The following LAPTM4B variants were observed in gnomAD, a reference collection of about 807,000 sequenced individuals.
LAPTM4B encodes lysosomal-associated transmembrane protein 4B.
LAPTM4B carries 26 observed loss-of-function variants against 28.5 expected under a neutral mutation model. That is an observed-to-expected ratio of 0.91 (90% CI 0.67 to 1.27). The LOEUF (loss-of-function observed/expected upper bound fraction) is 1.27. Among genes scored for constraint, LAPTM4B ranks in the 50% most tolerant of loss-of-function variants. The pLI is 0.00. For missense variants in LAPTM4B, 288 were observed against 285.8 expected (o/e 1.01, Z -0.06); for synonymous variants, 109 against 106.4 (o/e 1.02, Z -0.15).
At chr8:97,848,982 T>G (rs1291811961) in intron 6 of LAPTM4B, among the ~76,000 whole-genome samples, 2 of 152,226 alleles carry the variant, frequency 1.3e-5, no homozygotes, top group Non-Finnish European at 1.5e-5. Flanking sequence ...GGAGATGCTG[T>G]TGTTAGATAC....
intron 6 of LAPTM4B, among the ~76,000 whole-genome samples, chr8:97,828,181 A>T (rs2512063): frequency 3.3e-5 from 5 of 151,702 alleles, no homozygotes; most frequent in Middle Eastern, 3.2e-3. Flanking sequence ...TGAAGTATGG[A>T]GAAAATTTAT....
In LAPTM4B at chr8:97,775,806, G is replaced by A. The variant is rs1174950697; in HGVS notation, c.-204G>A. The A allele has an allele frequency of 1.3e-6, 2 of 1,569,692 alleles. No individual in the cohort carries two copies. The highest frequency in any genetic ancestry group is 8.6e-7 in the Non-Finnish European group (1 of 1,164,738). The stretch of plus-strand genomic sequence containing the variant: ...CCTCCCCGTCCCCGCCGCTGCAGCG[G>A]TCGCCTTCGGAGCGAAGGGTACCGA... On this transcript the variant is annotated 5_prime_UTR_variant, in exon 1 of 7. Transcript: ENST00000521545.
intron 2 of LAPTM4B, among the ~76,000 whole-genome samples, chr8:97,810,610 G>A (rs1036965381): frequency 2.0e-5 from 3 of 152,226 alleles, no homozygotes; most frequent in African/African-American, 2.4e-5. Flanking sequence ...AAGCATGTAT[G>A]TGTGGCATAT....
intron 2 of LAPTM4B, among the ~76,000 whole-genome samples, chr8:97,806,165 C>T (rs762468280): frequency 1.3e-5 from 2 of 152,104 alleles, no homozygotes; most frequent in East Asian, 1.9e-4. Flanking sequence ...TTTTAGAGAT[C>T]GGAAGCATTC....
At chr8:97,800,764 A>C (rs1343163779) in intron 1 of LAPTM4B, among the ~76,000 whole-genome samples, 1 of 151,780 alleles carries the variant, frequency 6.6e-6, no homozygotes, top group Non-Finnish European at 1.5e-5. Context: ...CCAAAGTGCT[A>C]GGATTACAGG....
intron 2 of LAPTM4B, among the ~76,000 whole-genome samples, chr8:97,807,464 A>G (rs73270671): frequency 2.4e-3 from 360 of 152,278 alleles, no homozygotes; most frequent in African/African-American, 7.5e-3. Context: ...TGCGTAAAAC[A>G]TGCTTAGAAT....
At chr8:97,806,245 A>G (rs908696612) in intron 2 of LAPTM4B, among the ~76,000 whole-genome samples, 5 of 152,190 alleles carry the variant, frequency 3.3e-5, no homozygotes, top group Non-Finnish European at 5.9e-5. Flanking sequence ...AACTAAATGC[A>G]TGAACTGATA....
intron 1 of LAPTM4B, among the ~76,000 whole-genome samples, chr8:97,792,049 T>C (rs939642829): frequency 3.3e-5 from 5 of 152,104 alleles, no homozygotes; most frequent in African/African-American, 1.2e-4. Flanking sequence ...TTATATCTGT[T>C]GAAATGAGGC....
chr8:97,833,897 A>T (rs776499685), intron 6 of LAPTM4B, among the ~76,000 whole-genome samples: 21 of 152,076 alleles, frequency 1.4e-4, no homozygotes, highest in Non-Finnish European at 2.5e-4. Flanking sequence ...CTCATGTACT[A>T]TTTGGCTACC....
At position 97,790,915 on chromosome 8, in the gene LAPTM4B, T is replaced by G. The variant is rs575598887; in HGVS notation, c.100-14438T>G. Among the ~76,000 whole-genome samples, 16 of 152,206 alleles carry G rather than the reference T, an allele frequency of 1.1e-4. No homozygotes were observed. The South Asian group carries it at 2.9e-3, about 28-fold the overall frequency. On this transcript the variant is annotated intron_variant, in intron 1 of 6. Coordinates refer to ENST00000521545, the MANE Select transcript of LAPTM4B (RefSeq NM_018407.6). ...CCACTGAGCCCGTCCTAGCTTTTTGTTTTTTTGAGACAGGGGTCTCACTTT... is the reference window on the plus strand; with the variant it reads ...CCACTGAGCCCGTCCTAGCTTTTTGGTTTTTTGAGACAGGGGTCTCACTTT...
chr8:97,792,012 GA>G (rs1343682672), intron 1 of LAPTM4B, among the ~76,000 whole-genome samples: 8 of 152,126 alleles, frequency 5.3e-5, no homozygotes, highest in Non-Finnish European at 1.0e-4. Flanking sequence ...AATTTGGGGG[GA>G]AAAACTTCCA....
At chr8:97,776,530 C>T (rs946071431) in intron 1 of LAPTM4B, among the ~76,000 whole-genome samples, 14 of 152,348 alleles carry the variant, frequency 9.2e-5, no homozygotes, top group South Asian at 2.1e-4. Context: ...GCGGAGGTGA[C>T]GGCGCATATT....
chr8:97,845,710 A>G (rs1176633698), intron 6 of LAPTM4B, among the ~76,000 whole-genome samples: 3 of 152,082 alleles, frequency 2.0e-5, no homozygotes, highest in African/African-American at 7.2e-5. Context: ...TCCCCAGGAA[A>G]ATAAACACAT....
intron 6 of LAPTM4B, among the ~76,000 whole-genome samples, chr8:97,833,201 G>A (rs1269250908): frequency 6.6e-6 from 1 of 151,876 alleles, no homozygotes. Context: ...GGGCGTGGTG[G>A]CACATGCCTG....
intron 4 of LAPTM4B, among the ~76,000 whole-genome samples, chr8:97,817,280 C>T (rs928333314): frequency 6.6e-6 from 1 of 151,804 alleles, no homozygotes; most frequent in Non-Finnish European, 1.5e-5. Flanking sequence ...TATAGGCATG[C>T]ACCACCATGC....
rs1327965224 is a variant in LAPTM4B at position 97,822,075 on chromosome 8, C to T, written c.507+2837C>T. ...GGGCCTTACTGCCTTGCAGCTCCAG[C>T]TCCTCCGCTCCAGTTTCTTGGCTGG... On this transcript the variant is annotated intron_variant, in intron 5 of 6. Transcript: ENST00000521545. Among the ~76,000 whole-genome samples the T allele has an allele frequency of 3.3e-5, 5 of 152,248 alleles. No homozygotes were observed. In the South Asian group the frequency reaches 8.3e-4, roughly 25 times the overall value.
intron 1 of LAPTM4B, 105 bp downstream of exon 1, chr8:97,776,213 A>C: frequency 8.1e-7 from 1 of 1,241,632 alleles, no homozygotes; most frequent in South Asian, 1.7e-5. Context: ...CATCCGCCTA[A>C]AGTTGTATTA....
chr8:97,785,774 T>G (rs1586319281), intron 1 of LAPTM4B, among the ~76,000 whole-genome samples: 1 of 152,302 alleles, frequency 6.6e-6, no homozygotes, highest in Middle Eastern at 3.4e-3. Flanking sequence ...CAGCTGCTTG[T>G]GGCAATAGCA....
At chr8:97,801,844 A>G (rs376846039) in intron 1 of LAPTM4B, among the ~76,000 whole-genome samples, 96 of 3,214 alleles carry the variant, frequency 0.03, no homozygotes, top group African/African-American at 0.094. Context: ...ACTCCATCTC[A>G]AAAAAAAAAA....
Sources: allele counts gnomAD v4.1 joint callset (sites outside exome capture counted in the v4.1 genomes callset), GRCh38; gene constraint gnomAD v4.1.1; transcripts MANE v1.5; gene names NCBI Gene and HGNC (gene_info 2026-07-23, HGNC 2026-07-21).